The following BLTP1 variants were observed in gnomAD, a reference collection of about 807,000 sequenced individuals.
BLTP1 encodes the protein bridge-like lipid transfer protein family member 1.
At chr4:122,271,742 G>A in the BLTP1 span, 1 of 1,493,714 alleles carries the variant, frequency 6.7e-7, no homozygotes, top group Non-Finnish European at 9.0e-7. Flanking sequence ...ACATTTTTAT[G>A]TTTTAAAAAT....
the BLTP1 span, chr4:122,224,325 T>A: frequency 3.0e-6 from 1 of 334,626 alleles, no homozygotes; most frequent in Non-Finnish European, 4.3e-6. Flanking sequence ...TAAAGATGCT[T>A]AACTCAGAAT....
At chr4:122,226,606 G>A in the BLTP1 span, 1 of 1,545,644 alleles carries the variant, frequency 6.5e-7, no homozygotes, top group South Asian at 1.3e-5. Context: ...ACAGTGTTTG[G>A]GTTCTTTCAA....
At chr4:122,244,917 T>G in the BLTP1 span, 1 of 1,350,758 alleles carries the variant, frequency 7.4e-7, no homozygotes, top group Non-Finnish European at 1.0e-6. Context: ...TGAGCAATTG[T>G]TGTACATATT....
the BLTP1 span, chr4:122,334,259 GTTCT>G: frequency 8.0e-7 from 1 of 1,255,412 alleles, no homozygotes; most frequent in Non-Finnish European, 1.1e-6. Flanking sequence ...GACTTCCAAT[GTTCT>G]TTCTACCACA....
At chr4:122,264,526 G>C in the BLTP1 span, 1 of 1,149,572 alleles carries the variant, frequency 8.7e-7, no homozygotes, top group African/African-American at 1.6e-5. Flanking sequence ...TTCTAGTGAG[G>C]CTATACCTTA....
the BLTP1 span, chr4:122,247,986 T>A: frequency 2.0e-6 from 2 of 985,236 alleles, no homozygotes; most frequent in Non-Finnish European, 2.4e-6. Flanking sequence ...CTGAAATCTT[T>A]ATGTGGGACT....
chr4:122,344,342 A>C, the BLTP1 span: 1 of 1,603,530 alleles, frequency 6.2e-7, no homozygotes, highest in South Asian at 1.1e-5. Flanking sequence ...ATATATGTAT[A>C]TATAGATGTG....
chr4:122,173,208 T>G, the BLTP1 span: 7 of 1,566,016 alleles, frequency 4.5e-6, no homozygotes, highest in Admixed American at 1.8e-5. Context: ...AGATGTTGTC[T>G]TACCATTTTT....
chr4:122,276,444 T>C, the BLTP1 span: 2 of 977,036 alleles, frequency 2.0e-6, no homozygotes, highest in Non-Finnish European at 2.4e-6. Flanking sequence ...TATAATTCTG[T>C]ATTTAAGATG....
At chr4:122,209,629 A>G in the BLTP1 span, 1 of 421,510 alleles carries the variant, frequency 2.4e-6, no homozygotes, top group Non-Finnish European at 3.2e-6. Flanking sequence ...TGGGCAACAG[A>G]GACCCCATCT....
the BLTP1 span, chr4:122,339,138 A>G: frequency 1.7e-5 from 25 of 1,497,698 alleles, no homozygotes; most frequent in South Asian, 2.0e-4. Flanking sequence ...GAACATTTCA[A>G]TATTATTTCT....
the BLTP1 span, chr4:122,199,908 A>G: frequency 1.0e-6 from 1 of 978,390 alleles, no homozygotes; most frequent in Non-Finnish European, 1.2e-6. Flanking sequence ...TTCATATTAT[A>G]AAGAGAAACA....
the BLTP1 span, among the ~76,000 whole-genome samples, chr4:122,314,407 A>G: frequency 6.6e-6 from 1 of 152,196 alleles, no homozygotes; most frequent in Non-Finnish European, 1.5e-5. Flanking sequence ...TCAAAGGAAC[A>G]CTTTCAAAGA....
chr4:122,167,948 A>G, the BLTP1 span: 1 of 947,770 alleles, frequency 1.1e-6, no homozygotes, highest in Admixed American at 6.2e-5. Context: ...CCAGTCTCTC[A>G]CTATTAAGGA....
the BLTP1 span, chr4:122,209,878 G>A: frequency 6.2e-7 from 1 of 1,613,292 alleles, no homozygotes; most frequent in Non-Finnish European, 8.5e-7. Flanking sequence ...ATTATACATG[G>A]CATCCAATTT....
the BLTP1 span, among the ~76,000 whole-genome samples, chr4:122,294,661 A>T: frequency 6.6e-6 from 1 of 152,214 alleles, no homozygotes; most frequent in East Asian, 1.9e-4. Flanking sequence ...TGAGAAAAAA[A>T]ATCAATCCAA....
chr4:122,348,077 AAATG>A, the BLTP1 span, among the ~76,000 whole-genome samples: 1 of 152,160 alleles, frequency 6.6e-6, no homozygotes, highest in Non-Finnish European at 1.5e-5. Context: ...GATTGTATAA[AAATG>A]AATGATGTAG....
chr4:122,297,301 A>G, the BLTP1 span, among the ~76,000 whole-genome samples: 60 of 152,376 alleles, frequency 3.9e-4, no homozygotes, highest in East Asian at 0.011. Context: ...AACGTATGAA[A>G]AAAGCTCAGC....
At chr4:122,336,669 T>C in the BLTP1 span, 1 of 977,182 alleles carries the variant, frequency 1.0e-6, no homozygotes, top group East Asian at 1.1e-4. Context: ...AGTTTCTTTG[T>C]ACAGTGTTTG....
Sources: allele counts gnomAD v4.1 joint callset (sites outside exome capture counted in the v4.1 genomes callset), GRCh38; gene constraint gnomAD v4.1.1; transcripts MANE v1.5; gene names NCBI Gene and HGNC (gene_info 2026-07-23, HGNC 2026-07-21).